CADPS2: variants seen among roughly 807,000 people sequenced by gnomAD.
The protein encoded by CADPS2 is calcium dependent secretion activator 2, also known as calcium-dependent secretion activator 2.
CADPS2 carries 93 observed loss-of-function variants against 172.5 expected under a neutral mutation model. The observed-to-expected ratio is 0.54, with a 90% CI of 0.46 to 0.64. The LOEUF is 0.64. Ranked by LOEUF, CADPS2 falls within the 30% of genes least tolerant of loss-of-function variation. The pLI is 0.00. For missense variants in CADPS2, 1,420 were observed against 1,565.9 expected (o/e 0.91, Z 1.57); for synonymous variants, 546 against 555.2 (o/e 0.98, Z 0.23).
intron 3 of CADPS2, among the ~76,000 whole-genome samples, chr7:122,632,634 A>G (rs763989519): frequency 9.9e-5 from 15 of 152,092 alleles, no homozygotes; most frequent in Non-Finnish European, 2.2e-4. Flanking sequence ...ATTTTCTCCC[A>G]TTCTGTAGGC....
At chr7:122,842,472 TCTC>T (rs1810819294) in intron 1 of CADPS2, among the ~76,000 whole-genome samples, 1 of 152,164 alleles carries the variant, frequency 6.6e-6, no homozygotes, top group South Asian at 2.1e-4. Flanking sequence ...TCTGATGCCT[TCTC>T]CTATTTCCTC....
At chr7:122,384,035 G>A (rs1302022424) in intron 24 of CADPS2, among the ~76,000 whole-genome samples, 2 of 152,038 alleles carry the variant, frequency 1.3e-5, no homozygotes, top group African/African-American at 2.4e-5. Context: ...GTGCAGTTAC[G>A]GATAATGAGG....
At chr7:122,571,699 C>T (rs2067279899) in intron 7 of CADPS2, among the ~76,000 whole-genome samples, 1 of 152,180 alleles carries the variant, frequency 6.6e-6, no homozygotes, top group South Asian at 2.1e-4. Flanking sequence ...GTCTGCGCTC[C>T]TGCTTCGTCA....
intron 2 of CADPS2, among the ~76,000 whole-genome samples, chr7:122,693,227 A>C (rs891597926): frequency 2.0e-5 from 3 of 152,208 alleles, no homozygotes; most frequent in East Asian, 3.9e-4. Context: ...TTCTTCCCAC[A>C]AAGTAGAGTT....
At chr7:122,787,811 A>G (rs1794393937) in intron 1 of CADPS2, among the ~76,000 whole-genome samples, 1 of 152,182 alleles carries the variant, frequency 6.6e-6, no homozygotes, top group Non-Finnish European at 1.5e-5. Context: ...TTTACTCACA[A>G]AAGTCCACCA....
intron 3 of CADPS2, among the ~76,000 whole-genome samples, chr7:122,660,597 G>A (rs961608153): frequency 7.9e-6 from 1 of 126,118 alleles, no homozygotes; most frequent in African/African-American, 2.9e-5. Context: ...AAGATGATCA[G>A]TCTGGATTTA....
At chr7:122,593,523 T>C (rs1326928630) in intron 6 of CADPS2, among the ~76,000 whole-genome samples, 1 of 152,024 alleles carries the variant, frequency 6.6e-6, no homozygotes. Context: ...GAGGCATCAA[T>C]GAAAATGATT....
intron 17 of CADPS2, among the ~76,000 whole-genome samples, chr7:122,417,338 C>T (rs2048040985): frequency 2.6e-5 from 4 of 152,182 alleles, no homozygotes; most frequent in Admixed American, 2.0e-4. Flanking sequence ...ACACTTCCTA[C>T]TATATTCCCC....
At chr7:122,368,389 T>C (rs951177762) in intron 25 of CADPS2, among the ~76,000 whole-genome samples, 1 of 152,140 alleles carries the variant, frequency 6.6e-6, no homozygotes, top group Non-Finnish European at 1.5e-5. Context: ...CTGGTCTTGC[T>C]GAGTTCTGCA....
At chr7:122,468,265 T>C (rs1300257407) in intron 14 of CADPS2, among the ~76,000 whole-genome samples, 3 of 152,062 alleles carry the variant, frequency 2.0e-5, no homozygotes, top group Admixed American at 2.0e-4. Flanking sequence ...GATGTAAAAA[T>C]GATCATAAAA....
chr7:122,508,588 C>T (rs542770467), intron 9 of CADPS2, among the ~76,000 whole-genome samples: 1 of 151,054 alleles, frequency 6.6e-6, no homozygotes, highest in African/African-American at 2.4e-5. Flanking sequence ...CTTCAGCCTC[C>T]CAACATGCTA....
intron 9 of CADPS2, among the ~76,000 whole-genome samples, chr7:122,498,732 C>A (rs1323309876): frequency 6.6e-6 from 1 of 152,090 alleles, no homozygotes; most frequent in African/African-American, 2.4e-5. Context: ...GTTCACTTTG[C>A]ATACTGTTAT....
intron 8 of CADPS2, among the ~76,000 whole-genome samples, chr7:122,543,375 T>C (rs1166435426): frequency 6.6e-6 from 1 of 152,172 alleles, no homozygotes; most frequent in Non-Finnish European, 1.5e-5. Flanking sequence ...AATGCATTAC[T>C]CTTGATGGTT....
chr7:122,449,305 G>C (rs1195231550), intron 15 of CADPS2, among the ~76,000 whole-genome samples: 1 of 152,002 alleles, frequency 6.6e-6, no homozygotes, highest in Non-Finnish European at 1.5e-5. Context: ...CAACCTAGGA[G>C]ACAACACTTT....
intron 14 of CADPS2, among the ~76,000 whole-genome samples, chr7:122,467,469 T>C (rs1032943418): frequency 6.6e-6 from 1 of 152,176 alleles, no homozygotes; most frequent in African/African-American, 2.4e-5. Context: ...ATATGATGAT[T>C]TGACTGATGC....
chr7:122,555,262 A>C (rs2064887180), intron 7 of CADPS2, among the ~76,000 whole-genome samples: 1 of 152,226 alleles, frequency 6.6e-6, no homozygotes, highest in East Asian at 1.9e-4. Flanking sequence ...ATAATGACTG[A>C]AACAAAGTAA....
At chr7:122,497,874 A>G (rs926343601) in intron 9 of CADPS2, among the ~76,000 whole-genome samples, 2 of 152,218 alleles carry the variant, frequency 1.3e-5, no homozygotes, top group African/African-American at 2.4e-5. Context: ...CAATCCTATC[A>G]GTAATTTTGA....
At chr7:122,884,958 T>C (rs1823925424) in intron 1 of CADPS2, among the ~76,000 whole-genome samples, 1 of 152,344 alleles carries the variant, frequency 6.6e-6, no homozygotes, top group East Asian at 1.9e-4. Flanking sequence ...ACACTGAAGT[T>C]AATATTTCAG....
chr7:122,640,017 A>G (rs2077443511), intron 3 of CADPS2, among the ~76,000 whole-genome samples: 1 of 152,198 alleles, frequency 6.6e-6, no homozygotes. Flanking sequence ...GCACATTGAA[A>G]TTAACAAGCC....
Sources: gnomAD v4.1 joint callset for allele counts (sites outside exome capture counted in the v4.1 genomes callset) on GRCh38, gnomAD v4.1.1 for gene constraint, MANE v1.5 for transcripts, NCBI Gene and HGNC (gene_info 2026-07-23, HGNC 2026-07-21) for gene names.